RBFOX1: variants seen among roughly 807,000 people sequenced by gnomAD.
RBFOX1 encodes the protein RNA binding protein fox-1 homolog 1.
RBFOX1 carries 8 observed loss-of-function variants against 57.7 expected under a neutral mutation model. The ratio of observed to expected loss-of-function variants is 0.14; its 90% CI spans 0.08 to 0.25. The LOEUF is 0.25. Ranked by LOEUF, RBFOX1 falls within the 10% of genes least tolerant of loss-of-function variation. The pLI is 1.00. For synonymous variants in RBFOX1, 326 were observed against 222.4 expected, an observed-to-expected ratio of 1.47 and a Z score of -4.15; for missense variants, 611 against 548.5, an observed-to-expected ratio of 1.11 and a Z score of -1.14.
intron 3 of RBFOX1, among the ~76,000 whole-genome samples, chr16:6,974,336 C>CTTTTTTTTTTTTTTTTTTTTTT (rs59299498): frequency 1.7e-5 from 1 of 58,682 alleles, no homozygotes; most frequent in Non-Finnish European, 3.1e-5. Context: ...TTTTCTTTTT[C>CTTTTTTTTTTTTTTTTTTTTTT]TTTTTTTTTT....
At chr16:7,421,151 C>G (rs576310720) in intron 4 of RBFOX1, among the ~76,000 whole-genome samples, 10 of 151,786 alleles carry the variant, frequency 6.6e-5, no homozygotes, top group Admixed American at 5.3e-4. Flanking sequence ...TGGTATTGAC[C>G]AGGAAAGTTG....
Position 7,034,841 on chromosome 16 carries a change from C to CTTTTTTTTTTTTTTTTTT in RBFOX1, c.-15-17210_-15-17209insTTTTTTTTTTTTTTTTTT, listed in dbSNP as rs1255430430. On this transcript the variant is annotated intron_variant, in intron 3 of 15. Coordinates refer to ENST00000550418, the MANE Select transcript of RBFOX1 (RefSeq NM_018723.4). ...ATATTGCATTACTTTTTTTTTTTTT[C>CTTTTTTTTTTTTTTTTTT]TTTTTTCTTTTTTTTTTTTTTTTTT... Among the ~76,000 whole-genome samples, 186 of 39,082 alleles carry CTTTTTTTTTTTTTTTTTT rather than the reference C, an allele frequency of 4.8e-3. 21 individuals carry two copies. The highest frequency in any genetic ancestry group is 6.8e-3 in the East Asian group (6 of 876). 25.6% of individuals were successfully genotyped at this position (39,082 alleles called of 152,430 possible). A position where few individuals can be genotyped will look rare whatever the true frequency, so the allele number is the denominator to read the frequency against.
At chr16:6,845,370 A>C (rs989368462) in intron 3 of RBFOX1, among the ~76,000 whole-genome samples, 14 of 150,480 alleles carry the variant, frequency 9.3e-5, no homozygotes, top group African/African-American at 3.1e-4. Context: ...TGTGTAAGGA[A>C]GAGGTCCAGT....
intron 3 of RBFOX1, among the ~76,000 whole-genome samples, chr16:6,858,496 C>A (rs186715887): frequency 6.6e-6 from 1 of 152,098 alleles, no homozygotes; most frequent in Non-Finnish European, 1.5e-5. Flanking sequence ...AGAGGTAGAA[C>A]ATACTCCTTG....
chr16:7,476,846 A>G (rs965173876), intron 4 of RBFOX1, among the ~76,000 whole-genome samples: 6 of 152,218 alleles, frequency 3.9e-5, no homozygotes, highest in African/African-American at 1.4e-4. Flanking sequence ...ATGGGCTAAC[A>G]TTGCTTTTAT....
At chr16:6,195,819 G>A (rs369876359) in intron 1 of RBFOX1, among the ~76,000 whole-genome samples, 8 of 152,180 alleles carry the variant, frequency 5.3e-5, no homozygotes, top group Admixed American at 2.6e-4. Flanking sequence ...TTTGAGTCAC[G>A]GAAGCAGTAG....
intron 3 of RBFOX1, among the ~76,000 whole-genome samples, chr16:5,863,514 G>A (rs1430588581): frequency 6.6e-6 from 1 of 152,218 alleles, no homozygotes; most frequent in African/African-American, 2.4e-5. Flanking sequence ...CCAGCGTGCA[G>A]TCCAGCCACA....
At chr16:6,919,710 G>A (rs1259452213) in intron 3 of RBFOX1, among the ~76,000 whole-genome samples, 1 of 149,370 alleles carries the variant, frequency 6.7e-6, no homozygotes, top group East Asian at 2.0e-4. Context: ...CTGATATATT[G>A]TATGTTATAG....
At chr16:6,909,767 C>G (rs556479905) in intron 3 of RBFOX1, among the ~76,000 whole-genome samples, 1 of 152,068 alleles carries the variant, frequency 6.6e-6, no homozygotes, top group Non-Finnish European at 1.5e-5. Context: ...TATTTTCTCC[C>G]GAGTGTGGTT....
chr16:6,393,822 A>T (rs768533132), intron 2 of RBFOX1, among the ~76,000 whole-genome samples: 3 of 152,168 alleles, frequency 2.0e-5, no homozygotes, highest in African/African-American at 7.2e-5. Flanking sequence ...TGTCATCTGG[A>T]TGACTGTTGA....
intron 4 of RBFOX1, among the ~76,000 whole-genome samples, chr16:7,316,760 G>T (rs1233702979): frequency 6.6e-6 from 1 of 152,040 alleles, no homozygotes; most frequent in African/African-American, 2.4e-5. Context: ...GTGGGGTCAG[G>T]GTGGAAGAGA....
intron 3 of RBFOX1, among the ~76,000 whole-genome samples, chr16:6,792,854 C>G (rs1236450493): frequency 1.3e-5 from 2 of 151,928 alleles, no homozygotes; most frequent in African/African-American, 4.8e-5. Context: ...GATGGTGAAA[C>G]CCTGTCTCTA....
At chr16:7,335,534 A>G (rs904243104) in intron 4 of RBFOX1, among the ~76,000 whole-genome samples, 1 of 148,584 alleles carries the variant, frequency 6.7e-6, no homozygotes, top group Non-Finnish European at 1.5e-5. Context: ...TTCAAGAGTC[A>G]TTTTGAAAAT....
chr16:6,790,191 T>TATTATTATTA (rs1555469992), intron 3 of RBFOX1, among the ~76,000 whole-genome samples: 161 of 148,316 alleles, frequency 1.1e-3, no homozygotes, highest in African/African-American at 3.9e-3. Flanking sequence ...TTATTATTAT[T>TATTATTATTA]ATTATTATTT....
chr16:6,601,395 T>A (rs190397217), intron 2 of RBFOX1, among the ~76,000 whole-genome samples: 2 of 152,120 alleles, frequency 1.3e-5, no homozygotes, highest in Non-Finnish European at 2.9e-5. Context: ...TACGGTGCTT[T>A]TGTTGGTATT....
At position 5,290,476 on chromosome 16, in the gene RBFOX1, G is replaced by A. The variant is rs185221805; in HGVS notation, c.219+50371G>A. Among the ~76,000 whole-genome samples, 37 of 152,290 alleles carry A rather than the reference G, an allele frequency of 2.4e-4. No homozygotes were observed. In the Middle Eastern group the frequency reaches 0.014, roughly 56 times the overall value. ...AAAATTGATCCTGATGGTGGTTGCC[G>A]AGCTCTGTGAATGCACTGAAACCAT... On this transcript the variant is annotated intron_variant, in intron 1 of 2. Coordinates refer to the RBFOX1 transcript ENST00000585867.
intron 2 of RBFOX1, among the ~76,000 whole-genome samples, chr16:6,610,510 T>G (rs993360285): frequency 2.0e-5 from 3 of 152,058 alleles, no homozygotes; most frequent in Admixed American, 6.6e-5. Context: ...TTGTACTTTT[T>G]GTAGAGATGA....
At chr16:6,863,014 T>C (rs547402318) in intron 3 of RBFOX1, among the ~76,000 whole-genome samples, 17 of 151,188 alleles carry the variant, frequency 1.1e-4, no homozygotes, top group Non-Finnish European at 2.1e-4. Context: ...AGGCCGCAGC[T>C]GATTTTTGAA....
In RBFOX1 at chr16:6,511,541, C is replaced by G. The variant is rs13335582; in HGVS notation, c.-63-143062C>G. On this transcript the variant is annotated intron_variant, in intron 2 of 15. Transcript: ENST00000550418. ...ACAAGGAGCCCATGGAAACTACCAA[C>G]TGGCATTGCTGAGAATAATTATTGT... Among the ~76,000 whole-genome samples the G allele has an allele frequency of 3.5e-3, 539 of 152,330 alleles. 1 individual carries two copies. The highest frequency in any genetic ancestry group is 0.013 in the African/African-American group (522 of 41,576).
Sources: allele counts gnomAD v4.1 joint callset (sites outside exome capture counted in the v4.1 genomes callset), GRCh38; gene constraint gnomAD v4.1.1; transcripts MANE v1.5; gene names NCBI Gene and HGNC (gene_info 2026-07-23, HGNC 2026-07-21).